Variants in KDM4C observed in about 807,000 individuals in gnomAD.
KDM4C encodes the protein lysine-specific demethylase 4C.
A neutral mutation model predicts 129.3 loss-of-function variants in KDM4C; 81 were observed. The observed-to-expected ratio is 0.63, with a 90% CI of 0.52 to 0.75. The LOEUF (loss-of-function observed/expected upper bound fraction) is 0.75, where lower values mean the gene tolerates loss of function less well. Among genes scored for constraint, KDM4C ranks in the 30% least tolerant of loss-of-function variants. KDM4C has a pLI of 0.00. For missense variants in KDM4C, 1,457 were observed against 1,304.0 expected, an observed-to-expected ratio of 1.12 and a Z score of -1.81; for synonymous variants, 573 against 456.1, an observed-to-expected ratio of 1.26 and a Z score of -3.26.
chr9:7,103,553 G>A lies in KDM4C; in HGVS notation c.2425-132G>A, dbSNP rs1036191571. On this transcript the variant is annotated intron_variant, in intron 17 of 21. Coordinates refer to ENST00000381309, the MANE Select transcript of KDM4C (RefSeq NM_015061.6). ...CTGTCACCACTAGGGCCCCTGGAGGGGTCAGGACTTGTTGATGTAATCAGT... is the reference window on the plus strand; with the variant it reads ...CTGTCACCACTAGGGCCCCTGGAGGAGTCAGGACTTGTTGATGTAATCAGT... 1.5e-5 allele frequency: 10 copies of A among 688,808 alleles called. No individual in the cohort carries two copies. In the Admixed American group the frequency reaches 2.3e-4, roughly 16 times the overall value. 42.7% of individuals were successfully genotyped at this position (688,808 alleles called of 1,614,324 possible).
intron 1 of KDM4C, among the ~76,000 whole-genome samples, chr9:6,761,532 C>A (rs1018121534): frequency 6.6e-6 from 1 of 151,912 alleles, no homozygotes; most frequent in Non-Finnish European, 1.5e-5. Flanking sequence ...GGTACCCCGG[C>A]TGGTCTGAAA....
intron 1 of KDM4C, among the ~76,000 whole-genome samples, chr9:6,742,051 C>A (rs977465275): frequency 6.6e-6 from 1 of 151,918 alleles, no homozygotes; most frequent in Non-Finnish European, 1.5e-5. Flanking sequence ...CGGCTCACTG[C>A]AACCTCCACC....
At chr9:6,834,532 A>G (rs1390457927) in intron 4 of KDM4C, 64 of 670,190 alleles carry the variant, frequency 9.5e-5, no homozygotes, top group Middle Eastern at 7.8e-4. Flanking sequence ...GGTGACGATG[A>G]CCCCCGGCCG....
At chr9:7,165,195 T>C (rs1009701072) in intron 19 of KDM4C, 43 bp from the exon 20 acceptor site, 3 of 1,609,068 alleles carry the variant, frequency 1.9e-6, no homozygotes, top group African/African-American at 2.7e-5. Context: ...ATGCAGTCAC[T>C]TAGGCACTCC....
intron 8 of KDM4C, among the ~76,000 whole-genome samples, chr9:6,971,160 A>T (rs1831919823): frequency 6.6e-6 from 1 of 152,260 alleles, no homozygotes; most frequent in Non-Finnish European, 1.5e-5. Flanking sequence ...CTTATTACAC[A>T]TATAGATGAG....
intron 1 of KDM4C, among the ~76,000 whole-genome samples, chr9:6,750,482 C>T (rs1053909492): frequency 6.7e-6 from 1 of 150,250 alleles, no homozygotes; most frequent in African/African-American, 2.4e-5. Context: ...GCACTTGAAG[C>T]GAAAGTGAAG....
intron 1 of KDM4C, among the ~76,000 whole-genome samples, chr9:6,781,930 T>A (rs1409505043): frequency 6.6e-6 from 1 of 152,052 alleles, no homozygotes; most frequent in Non-Finnish European, 1.5e-5. Flanking sequence ...GTTCAGGCTA[T>A]TCTCCTGCCT....
intron 19 of KDM4C, among the ~76,000 whole-genome samples, chr9:7,155,832 T>C (rs1286519929): frequency 1.3e-5 from 2 of 152,240 alleles, no homozygotes; most frequent in Non-Finnish European, 2.9e-5. Context: ...TGTGCATGTG[T>C]CTTTATAGTA....
At chr9:7,009,383 A>G (rs1400408736) in intron 12 of KDM4C, among the ~76,000 whole-genome samples, 1 of 152,218 alleles carries the variant, frequency 6.6e-6, no homozygotes, top group Non-Finnish European at 1.5e-5. Flanking sequence ...CTGCAATTCA[A>G]TTAATTGCTC....
chr9:6,894,460 C>A (rs1377865689), intron 8 of KDM4C, among the ~76,000 whole-genome samples: 6 of 152,194 alleles, frequency 3.9e-5, no homozygotes, highest in African/African-American at 1.4e-4. Context: ...GTAATGCTTG[C>A]ATCTGCCTTG....
chr9:6,878,139 C>A (rs909305982), intron 5 of KDM4C, among the ~76,000 whole-genome samples: 1 of 152,142 alleles, frequency 6.6e-6, no homozygotes, highest in Non-Finnish European at 1.5e-5. Flanking sequence ...CTGGATATTA[C>A]CACAGTATGG....
intron 16 of KDM4C, among the ~76,000 whole-genome samples, chr9:7,048,097 ACT>A (rs1829667450): frequency 6.6e-6 from 1 of 152,086 alleles, no homozygotes; most frequent in East Asian, 1.9e-4. Flanking sequence ...TTCGCACTAT[ACT>A]GAAAGTCTTC....
intron 8 of KDM4C, among the ~76,000 whole-genome samples, chr9:6,956,493 C>G (rs1829090134): frequency 6.6e-6 from 1 of 152,200 alleles, no homozygotes; most frequent in Non-Finnish European, 1.5e-5. Flanking sequence ...GTCACCTCAC[C>G]TGTTTTTCTG....
At chr9:6,764,801 C>A (rs1820287297) in intron 1 of KDM4C, among the ~76,000 whole-genome samples, 1 of 152,132 alleles carries the variant, frequency 6.6e-6, no homozygotes, top group African/African-American at 2.4e-5. Context: ...TTTTTTATAT[C>A]TCCATCCAGT....
chr9:6,917,238 C>T (rs1406410414), intron 8 of KDM4C, among the ~76,000 whole-genome samples: 1 of 152,022 alleles, frequency 6.6e-6, no homozygotes, highest in African/African-American at 2.4e-5. Flanking sequence ...ATATAGGTAT[C>T]CATATTCTCA....
intron 12 of KDM4C, among the ~76,000 whole-genome samples, chr9:6,991,613 A>G (rs1404104259): frequency 2.6e-5 from 4 of 152,210 alleles, no homozygotes; most frequent in Non-Finnish European, 4.4e-5. Flanking sequence ...GTCTGTGAGA[A>G]TACTGTTAAG....
chr9:6,917,852 C>T (rs1436056797), intron 8 of KDM4C, among the ~76,000 whole-genome samples: 3 of 152,156 alleles, frequency 2.0e-5, no homozygotes, highest in African/African-American at 7.2e-5. Context: ...CTAAGTGAGG[C>T]CACTTGTGCA....
chr9:6,864,642 T>C (rs1311709442), intron 5 of KDM4C, among the ~76,000 whole-genome samples: 1 of 151,922 alleles, frequency 6.6e-6, no homozygotes, highest in Non-Finnish European at 1.5e-5. Flanking sequence ...CTAATTTTTT[T>C]TTTTAAATTT....
chr9:6,901,218 G>C (rs1404310935), intron 8 of KDM4C, among the ~76,000 whole-genome samples: 2 of 152,164 alleles, frequency 1.3e-5, no homozygotes, highest in East Asian at 3.9e-4. Context: ...ACTGGTGGGA[G>C]AGTCAGCAGG....
Sources: gnomAD v4.1 joint callset for allele counts (sites outside exome capture counted in the v4.1 genomes callset) on GRCh38, gnomAD v4.1.1 for gene constraint, MANE v1.5 for transcripts, NCBI Gene and HGNC (gene_info 2026-07-23, HGNC 2026-07-21) for gene names.